Variants in HLCS observed in about 807,000 individuals in gnomAD.
HLCS encodes holocarboxylase synthetase.
HLCS carries 53 observed loss-of-function variants against 75.0 expected under a neutral mutation model. The observed-to-expected ratio is 0.71, with a 90% confidence interval of 0.57 to 0.89. The LOEUF is 0.89. HLCS is among the 40% of genes least tolerant of loss of function. The pLI, the probability that HLCS is intolerant of heterozygous loss-of-function variation, is 0.00. For synonymous variants in HLCS, 431 were observed against 428.6 expected (o/e 1.01, Z -0.07); for missense variants, 966 against 1,074.0 (o/e 0.90, Z 1.41).
At chr21:36,956,709 A>T (rs565957413) in intron 2 of HLCS, among the ~76,000 whole-genome samples, 1 of 152,144 alleles carries the variant, frequency 6.6e-6, no homozygotes, top group Non-Finnish European at 1.5e-5. Context: ...TAGCCTAGGC[A>T]ACAGAGCGAG....
Position 36,936,777 on chromosome 21 carries a change from TC to T in HLCS, c.1108del (p.Glu370SerfsTer35). The T allele has an allele frequency of 1.2e-6, 2 of 1,614,192 alleles. No individual in the cohort carries two copies. Among genetic ancestry groups the T allele is most frequent in the Non-Finnish European group, 1.7e-6 (2 of 1,180,044 alleles). ...CTGGTACAGGTCTTCGGGAATGGAC[TC>T]CCTGGTAGCAATGACCAACAGCAGA... ...NCLLLVIATR[E>X]SIPEDLYQKF... On this transcript the variant is annotated frameshift_variant, in exon 4 of 11. Coordinates refer to ENST00000674895, the MANE Select transcript of HLCS (RefSeq NM_001352514.2). LOFTEE classifies it high-confidence loss of function.
chr21:36,927,495 G>C (rs989073606), intron 5 of HLCS, among the ~76,000 whole-genome samples: 3 of 152,198 alleles, frequency 2.0e-5, no homozygotes, highest in African/African-American at 7.2e-5. Context: ...CAAGTGTCAA[G>C]GCACCAAACT....
chr21:36,865,886 T>A (rs1196784317), intron 6 of HLCS, among the ~76,000 whole-genome samples: 1 of 152,202 alleles, frequency 6.6e-6, no homozygotes, highest in African/African-American at 2.4e-5. Flanking sequence ...GTCCGATTTT[T>A]TAATAAAAAC....
At chr21:36,774,141 G>T (rs962967989) in intron 6 of HLCS, among the ~76,000 whole-genome samples, 1 of 152,154 alleles carries the variant, frequency 6.6e-6, no homozygotes, top group Non-Finnish European at 1.5e-5. Flanking sequence ...ACACAGTCAG[G>T]GGCAGAAGAG....
chr21:36,889,460 CTA>C (rs1165418012), intron 6 of HLCS, among the ~76,000 whole-genome samples: 1 of 152,198 alleles, frequency 6.6e-6, no homozygotes, highest in African/African-American at 2.4e-5. Context: ...CCCCAAGCTC[CTA>C]TGTTTCACAG....
At chr21:36,801,711 A>C (rs954044823) in intron 6 of HLCS, among the ~76,000 whole-genome samples, 1 of 152,226 alleles carries the variant, frequency 6.6e-6, no homozygotes. Context: ...GCAAAACTTC[A>C]GATATTAATT....
intron 6 of HLCS, among the ~76,000 whole-genome samples, chr21:36,781,025 C>T (rs569016120): frequency 1.5e-4 from 21 of 140,326 alleles, no homozygotes; most frequent in East Asian, 1.4e-3. Flanking sequence ...TATTTACAGC[C>T]GCTCCCCACA....
In HLCS at chr21:36,751,452, T is replaced by G. The variant is rs2089361417; in HGVS notation, c.*2794A>C. ...AGTGCGGGGAGGCTGGCTCCTCTCT[T>G]TGTTCCCAGACTCCAGGGCAAGGGG... is the stretch of plus-strand genomic sequence containing the variant. On this transcript the variant is annotated 3_prime_UTR_variant, in exon 11 of 11. Coordinates refer to ENST00000674895, the MANE Select transcript of HLCS (RefSeq NM_001352514.2). 6.6e-6 allele frequency: 1 copy of G among 152,344 alleles called. No homozygotes were observed. Among genetic ancestry groups the G allele is most frequent in the South Asian group, 2.1e-4 (1 of 4,834 alleles). The allele number at this position is 152,344 out of a possible 1,614,324, so 9.4% of individuals were successfully genotyped here. A position where few individuals can be genotyped will look rare whatever the true frequency, so the allele number is the denominator to read the frequency against.
chr21:36,781,505 T>C (rs189656674), intron 6 of HLCS, among the ~76,000 whole-genome samples: 2 of 152,194 alleles, frequency 1.3e-5, no homozygotes, highest in African/African-American at 4.8e-5. Context: ...CTATTATGAA[T>C]ATATCCCATA....
At chr21:36,865,134 G>A (rs1023083801) in intron 6 of HLCS, among the ~76,000 whole-genome samples, 7 of 151,658 alleles carry the variant, frequency 4.6e-5, no homozygotes, top group African/African-American at 1.7e-4. Flanking sequence ...GTGGCAGTGG[G>A]TGGGAGAAGA....
chr21:36,867,355 G>C (rs1195405136), intron 6 of HLCS, among the ~76,000 whole-genome samples: 1 of 152,210 alleles, frequency 6.6e-6, no homozygotes, highest in Non-Finnish European at 1.5e-5. Context: ...CTACAACATA[G>C]CTAAACCTCC....
intron 2 of HLCS, among the ~76,000 whole-genome samples, chr21:36,940,286 A>G (rs1249975298): frequency 6.6e-6 from 1 of 152,160 alleles, no homozygotes; most frequent in Non-Finnish European, 1.5e-5. Flanking sequence ...TCAGGGACAC[A>G]CTGCCCCGAA....
At chr21:36,884,070 C>A (rs542661687) in intron 6 of HLCS, among the ~76,000 whole-genome samples, 2 of 152,178 alleles carry the variant, frequency 1.3e-5, no homozygotes, top group South Asian at 2.1e-4. Context: ...TAGTTCTGTG[C>A]GTGGATGCTT....
At chr21:36,855,536 T>TAACAA in intron 6 of HLCS, among the ~76,000 whole-genome samples, 1 of 75,662 alleles carries the variant, frequency 1.3e-5, no homozygotes, top group South Asian at 4.7e-4. Flanking sequence ...AGACTCCATC[T>TAACAA]AAAAAAAAAA....
chr21:36,853,287 C>A (rs2063075954), intron 6 of HLCS, among the ~76,000 whole-genome samples: 1 of 152,184 alleles, frequency 6.6e-6, no homozygotes. Flanking sequence ...CTTTAAACCT[C>A]TCCTTAAACA....
At chr21:36,766,434 T>C (rs949237916) in intron 7 of HLCS, among the ~76,000 whole-genome samples, 14 of 152,200 alleles carry the variant, frequency 9.2e-5, no homozygotes, top group African/African-American at 2.4e-4. Context: ...AATCCACATA[T>C]TGAGATCCAT....
chr21:36,950,454 C>T (rs998789702), intron 2 of HLCS, among the ~76,000 whole-genome samples: 4 of 150,120 alleles, frequency 2.7e-5, no homozygotes, highest in Admixed American at 6.7e-5. Context: ...CAGAAAGTCA[C>T]GGGAGAACCA....
At chr21:36,818,188 G>A (rs1435648521) in intron 6 of HLCS, among the ~76,000 whole-genome samples, 1 of 152,152 alleles carries the variant, frequency 6.6e-6, no homozygotes, top group Non-Finnish European at 1.5e-5. Flanking sequence ...TGAGGGGGGC[G>A]GCCAGAAGGA....
chr21:36,806,734 C>T (rs550549570), intron 6 of HLCS, among the ~76,000 whole-genome samples: 6 of 152,316 alleles, frequency 3.9e-5, no homozygotes, highest in African/African-American at 1.4e-4. Flanking sequence ...GAGCGTATTA[C>T]TTATCTATTG....
Sources: allele counts gnomAD v4.1 joint callset (sites outside exome capture counted in the v4.1 genomes callset), GRCh38; gene constraint gnomAD v4.1.1; transcripts MANE v1.5; gene names NCBI Gene and HGNC (gene_info 2026-07-23, HGNC 2026-07-21).